Variants in TTC23 observed in about 807,000 individuals in gnomAD.
The protein encoded by TTC23 is tetratricopeptide repeat domain 23.
A neutral mutation model predicts 55.1 loss-of-function variants in TTC23; 58 were observed. That is an observed-to-expected ratio of 1.05 (90% CI 0.85 to 1.31). The LOEUF (loss-of-function observed/expected upper bound fraction) is 1.31, where lower values mean the gene tolerates loss of function less well. Among genes scored for constraint, TTC23 ranks in the 50% most tolerant of loss-of-function variants. TTC23 has a pLI of 0.00. For synonymous variants in TTC23, 203 were observed against 199.9 expected (o/e 1.02, Z -0.13); for missense variants, 516 against 534.4 (o/e 0.97, Z 0.34).
chr15:99,182,575 C>T (rs551509648), intron 9 of TTC23, among the ~76,000 whole-genome samples: 2 of 152,022 alleles, frequency 1.3e-5, no homozygotes, highest in African/African-American at 2.4e-5. Flanking sequence ...GATATATTAT[C>T]ACAGAGTAGT....
At chr15:99,158,374 T>A (rs1435732180) in intron 11 of TTC23, 1 of 152,132 alleles carries the variant, frequency 6.6e-6, no homozygotes, top group African/African-American at 2.4e-5. Flanking sequence ...AGATAAAGCT[T>A]TGGATGCCGC....
chr15:99,147,421 T>C (rs1313471604), intron 12 of TTC23, among the ~76,000 whole-genome samples: 1 of 151,672 alleles, frequency 6.6e-6, no homozygotes, highest in Admixed American at 6.6e-5. Flanking sequence ...GAGATGGAGT[T>C]TCACTTTGTT....
chr15:99,243,377 C>T (rs1416043786), intron 2 of TTC23, among the ~76,000 whole-genome samples: 1 of 152,152 alleles, frequency 6.6e-6, no homozygotes, highest in Non-Finnish European at 1.5e-5. Context: ...CAAAGGGGGA[C>T]ACTCATACAC....
intron 9 of TTC23, among the ~76,000 whole-genome samples, chr15:99,183,497 ATT>A (rs56660145): frequency 0.43 from 43,469 of 100,542 alleles, 7,832 homozygotes; most frequent in Middle Eastern, 0.51. Flanking sequence ...GATTTTTTGT[ATT>A]TTTTTTTTTT....
rs562869357 is a variant in TTC23, at chr15:99,248,229, T to C, written c.-431+942A>G. 2.0e-5 allele frequency: 3 copies of C among 152,360 alleles called. No individual in the cohort carries two copies. In the South Asian group the frequency reaches 6.2e-4, roughly 32 times the overall value. 9.4% of individuals were successfully genotyped at this position (152,360 alleles called of 1,614,324 possible). A position where few individuals can be genotyped will look rare whatever the true frequency, so the allele number is the denominator to read the frequency against. On this transcript the variant is annotated intron_variant, in intron 1 of 13. Coordinates refer to ENST00000394132, the MANE Select transcript of TTC23 (RefSeq NM_001288615.3). ...ACACAGCATGGGGCCCCTTAGCTTC[T>C]GGTCTCTGCTCTGGTCTAGCCATCT...
chr15:99,152,030 A>G (rs1373882311), intron 12 of TTC23, among the ~76,000 whole-genome samples: 4 of 152,082 alleles, frequency 2.6e-5, no homozygotes, highest in Non-Finnish European at 5.9e-5. Context: ...ATAATCCCCA[A>G]TATTGGAGGT....
At chr15:99,245,557 T>C (rs1233687479) in intron 1 of TTC23, 47 bp from the exon 2 acceptor site, 14 of 151,062 alleles carry the variant, frequency 9.3e-5, no homozygotes, top group Admixed American at 7.2e-4. Context: ...AATGGGATAG[T>C]GTTGAGAGTC....
At chr15:99,209,495 G>A (rs924933849) in intron 8 of TTC23, among the ~76,000 whole-genome samples, 1 of 152,184 alleles carries the variant, frequency 6.6e-6, no homozygotes, top group Non-Finnish European at 1.5e-5. Flanking sequence ...GGACACTAGC[G>A]TTGAATAAGC....
At chr15:99,221,573 G>A (rs1462051215) in intron 6 of TTC23, among the ~76,000 whole-genome samples, 168 bp downstream of exon 6, 4 of 152,082 alleles carry the variant, frequency 2.6e-5, no homozygotes, top group Non-Finnish European at 5.9e-5. Flanking sequence ...CCCTTTGAAT[G>A]TTTACAGGTT....
At chr15:99,154,242 T>C (rs1041259935) in intron 12 of TTC23, among the ~76,000 whole-genome samples, 1 of 152,236 alleles carries the variant, frequency 6.6e-6, no homozygotes, top group Non-Finnish European at 1.5e-5. Context: ...AAATATAACA[T>C]TGATCCTTAA....
chr15:99,239,539 G>A (rs1436515305), intron 3 of TTC23, among the ~76,000 whole-genome samples: 4 of 151,966 alleles, frequency 2.6e-5, no homozygotes, highest in Non-Finnish European at 2.9e-5. Flanking sequence ...AAATAAAAAC[G>A]TTAAAGGTCA....
At chr15:99,233,451 C>T (rs2079080064) in intron 4 of TTC23, among the ~76,000 whole-genome samples, 1 of 152,172 alleles carries the variant, frequency 6.6e-6, no homozygotes, top group East Asian at 1.9e-4. Context: ...TTTAAAGACA[C>T]AAACTACCAA....
At chr15:99,186,294 T>C (rs1404348000) in intron 9 of TTC23, among the ~76,000 whole-genome samples, 1 of 152,234 alleles carries the variant, frequency 6.6e-6, no homozygotes, top group African/African-American at 2.4e-5. Context: ...ATCAAACAGC[T>C]GATAAACAGA....
intron 5 of TTC23, among the ~76,000 whole-genome samples, chr15:99,225,140 C>T (rs755429689): frequency 1.3e-4 from 20 of 152,196 alleles, no homozygotes; most frequent in Admixed American, 3.3e-4. Flanking sequence ...AGTTGGGCTT[C>T]CCTGATAATA....
chr15:99,164,257 T>C (rs994682264), intron 10 of TTC23, among the ~76,000 whole-genome samples: 7 of 152,236 alleles, frequency 4.6e-5, no homozygotes, highest in South Asian at 2.1e-4. Context: ...TATTCAACTC[T>C]GCTGTTGTAG....
At chr15:99,193,273 C>T (rs965937559) in intron 9 of TTC23, among the ~76,000 whole-genome samples, 5 of 152,046 alleles carry the variant, frequency 3.3e-5, no homozygotes, top group South Asian at 4.2e-4. Context: ...TTGGAGAGGC[C>T]GGGGGCAGAA....
At position 99,171,298 on chromosome 15, in the gene TTC23, G is replaced by T. The variant is rs2072887707; in HGVS notation, c.865+3752C>A. ...CCTAGGAGCACCATACAGACTGATG[G>T]GGACTTGGTCCTTTTGGGGTAGAAC... On this transcript the variant is annotated intron_variant, in intron 10 of 13. Coordinates refer to ENST00000394132, the MANE Select transcript of TTC23 (RefSeq NM_001288615.3). 2.0e-5 allele frequency among the ~76,000 whole-genome samples: 3 copies of T among 152,140 alleles called. No homozygotes were observed. In the South Asian group the frequency reaches 6.2e-4, roughly 32 times the overall value.
At chr15:99,214,229 C>A (rs868510045) in intron 8 of TTC23, among the ~76,000 whole-genome samples, 2 of 151,886 alleles carry the variant, frequency 1.3e-5, no homozygotes, top group East Asian at 3.9e-4. Flanking sequence ...TCCTCCCGGC[C>A]GGGTGCGGTG....
intron 10 of TTC23, 93 bp downstream of exon 10, chr15:99,174,957 C>A: frequency 1.0e-6 from 1 of 1,000,164 alleles, no homozygotes; most frequent in Non-Finnish European, 1.5e-6. Context: ...GGGCCTGTGT[C>A]GCGGCTCTGT....
Sources: allele counts gnomAD v4.1 joint callset (sites outside exome capture counted in the v4.1 genomes callset), GRCh38; gene constraint gnomAD v4.1.1; transcripts MANE v1.5; gene names NCBI Gene and HGNC (gene_info 2026-07-23, HGNC 2026-07-21).